FOXR1: variants seen among roughly 807,000 people sequenced by gnomAD.
FOXR1 encodes the protein forkhead box protein R1.
A neutral mutation model predicts 34.5 loss-of-function variants in FOXR1; 25 were observed. That is an observed-to-expected ratio of 0.72 (90% confidence interval 0.53 to 1.01). The LOEUF (loss-of-function observed/expected upper bound fraction) is 1.01. Among genes scored for constraint, FOXR1 ranks in the 50% least tolerant of loss-of-function variants. The pLI, the probability that FOXR1 is intolerant of heterozygous loss-of-function variation, is 0.00. For synonymous variants in FOXR1, 153 were observed against 141.6 expected (o/e 1.08, Z -0.57); for missense variants, 373 against 376.2 (o/e 0.99, Z 0.07).
chr11:118,979,574 C>A lies in FOXR1; in HGVS notation c.517C>A (p.Arg173=). 6.2e-7 allele frequency: 1 copy of A among 1,613,044 alleles called. No individual in the cohort carries two copies. Among genetic ancestry groups the A allele is most frequent in the Non-Finnish European group, 8.5e-7 (1 of 1,179,524 alleles). Residue 173 remains arginine, a synonymous_variant, in exon 4 of 6, where the codon CGG becomes AGG. Transcript: ENST00000317011. ...CAGCCAGGCGGGGAGGCTCTGGTCCCGGCCCCCTCTCAATTACTTCCACCT... is the reference window on the plus strand; with the variant it reads ...CAGCCAGGCGGGGAGGCTCTGGTCCAGGCCCCCTCTCAATTACTTCCACCT... The part of the protein sequence containing the change: ...ASSQAGRLWS[R]PPLNYFHLIA...
Position 118,980,632 on chromosome 11 carries a change from A to T in FOXR1, c.754A>T (p.Lys252Ter). Residue 252 changes from lysine to a stop codon, truncating the protein, a stop_gained, in exon 5 of 6, where the codon AAG becomes TAG. Coordinates refer to ENST00000317011, the MANE Select transcript of FOXR1 (RefSeq NM_181721.3). LOFTEE classifies it high-confidence loss of function. Reference protein sequence around the residue: ...ASTRPRSCLWKLTEEGHRRFA... With the variant: ...ASTRPRSCLW The stretch of plus-strand genomic sequence containing the variant: ...CACACGGCCTCGATCTTGCCTCTGG[A>T]AGTTGACCGAGGAGGGACACCGCCG... 1 of 1,614,192 alleles carries T rather than the reference A, an allele frequency of 6.2e-7. No homozygotes were observed. The highest frequency in any genetic ancestry group is 1.3e-5 in the African/African-American group (1 of 75,068).
At chr11:118,972,129 G>GCCCC (rs764442884) in intron 1 of FOXR1, 137 bp downstream of exon 1, 2 of 361,490 alleles carry the variant, frequency 5.5e-6, no homozygotes, top group African/African-American at 3.8e-5. Flanking sequence ...AGCGCCCCGC[G>GCCCC]CCCCCCCCCC....
rs972157610 is a variant in FOXR1 at position 118,981,210 on chromosome 11, G to A, written c.853G>A (p.Val285Met). 1.5e-5 allele frequency: 25 copies of A among 1,614,152 alleles called. No homozygotes were observed. Among genetic ancestry groups the A allele is most frequent in the East Asian group, 2.2e-5 (1 of 44,888 alleles). ...TGAACTCTCTCCTTTTCTTACAGATGTGATGCCCTTCCTCTTTGATCTTTA... is the reference window on the plus strand; with the variant it reads ...TGAACTCTCTCCTTTTCTTACAGATATGATGCCCTTCCTCTTTGATCTTTA... ...SIQQCMSQPDVMPFLFDL is the reference protein window; with the variant it reads ...SIQQCMSQPDMMPFLFDL The change falls in exon 6 of 6, where the codon GTG becomes ATG. Residue 285 changes from valine to methionine, a missense_variant and splice_region_variant. Coordinates refer to ENST00000317011, the MANE Select transcript of FOXR1 (RefSeq NM_181721.3).
rs1446206323 is a variant in FOXR1 at position 118,981,147 on chromosome 11, C to T, written c.851-61C>T. 29 of 1,549,950 alleles carry T rather than the reference C, an allele frequency of 1.9e-5. No homozygotes were observed. The East Asian group carries it at 5.8e-4, about 31-fold the overall frequency. ...AGATGACCTGCTATGAGAGAGCATC[C>T]CAGGCCTAGGAAACAGCAATTGTGA... On this transcript the variant is annotated intron_variant, in intron 5 of 5. Coordinates refer to ENST00000317011, the MANE Select transcript of FOXR1 (RefSeq NM_181721.3).
chr11:118,972,021 G>T (rs1187509646), intron 1 of FOXR1, 29 bp downstream of exon 1: 2 of 1,442,648 alleles, frequency 1.4e-6, no homozygotes, highest in Admixed American at 5.1e-5. Context: ...GAGGTGGGGG[G>T]CTGGGCGTGG....
At chr11:118,975,827 T>C (rs1202123063) in intron 1 of FOXR1, among the ~76,000 whole-genome samples, 1 of 152,190 alleles carries the variant, frequency 6.6e-6, no homozygotes, top group African/African-American at 2.4e-5. Context: ...CTATCACCTT[T>C]TCACTGTTTC....
Position 118,972,141 on chromosome 11 carries a change from C to CA in FOXR1, c.61+149_61+150insA, listed in dbSNP as rs1267704255. The CA allele has an allele frequency of 6.6e-5, 44 of 669,642 alleles. 1 individual carries two copies. Among genetic ancestry groups the CA allele is most frequent in the Non-Finnish European group, 1.0e-4 (43 of 421,976 alleles). 41.5% of individuals were successfully genotyped at this position (669,642 alleles called of 1,614,324 possible). On this transcript the variant is annotated intron_variant, in intron 1 of 5. Transcript: ENST00000317011. Reference sequence around the variant, plus strand: ...CCGAGCGCCCCGCGCCCCCCCCCCCCGACGGCTTAGCTCCGCCGCCCCCGC... The same window carrying CA: ...CCGAGCGCCCCGCGCCCCCCCCCCCCAGACGGCTTAGCTCCGCCGCCCCCGC...
rs779424372 is a variant in FOXR1 at position 118,972,004 on chromosome 11, G to C, written c.61+12G>C. 43 of 1,541,572 alleles carry C rather than the reference G, an allele frequency of 2.8e-5. No homozygotes were observed. Among genetic ancestry groups the C allele is most frequent in the Non-Finnish European group, 3.5e-5 (40 of 1,144,138 alleles). On this transcript the variant is annotated intron_variant, in intron 1 of 5. Coordinates refer to ENST00000317011, the MANE Select transcript of FOXR1 (RefSeq NM_181721.3). ...AGCGGAGCAGAAACGTGAGTAGCGG[G>C]TGGGGTGAGGTGGGGGGCTGGGCGT...
Position 118,971,769 on chromosome 11 carries a change from G to A in FOXR1, c.-163G>A. ...ACTCAATCCGAGCCGGCGCATTTGA[G>A]AAGGCGCCTGTGAGGGTCGCTCCTC... On this transcript the variant is annotated 5_prime_UTR_variant, in exon 1 of 6. Coordinates refer to ENST00000317011, the MANE Select transcript of FOXR1 (RefSeq NM_181721.3). 1.4e-6 allele frequency: 1 copy of A among 707,180 alleles called. No homozygotes were observed. The highest frequency in any genetic ancestry group is 2.5e-6 in the Non-Finnish European group (1 of 407,486). 43.8% of individuals were successfully genotyped at this position (707,180 alleles called of 1,614,324 possible).
At chr11:118,972,989 T>C (rs1941734859) in intron 1 of FOXR1, among the ~76,000 whole-genome samples, 2 of 152,190 alleles carry the variant, frequency 1.3e-5, no homozygotes, top group African/African-American at 4.8e-5. Context: ...TCTCCACTCA[T>C]TGTTTTTGAG....
Position 118,972,137 on chromosome 11 carries a change from C to G in FOXR1, c.61+145C>G, listed in dbSNP as rs1471542440. ...GGGGCCGAGCGCCCCGCGCCCCCCC[C>G]CCCCGACGGCTTAGCTCCGCCGCCC... On this transcript the variant is annotated intron_variant, in intron 1 of 5. Transcript: ENST00000317011. The G allele has an allele frequency of 3.2e-5, 17 of 533,222 alleles. 1 individual carries two copies. The East Asian group carries it at 4.2e-4, about 13-fold the overall frequency. 33.0% of individuals were successfully genotyped at this position (533,222 alleles called of 1,614,324 possible). A position where few individuals can be genotyped will look rare whatever the true frequency, so the allele number is the denominator to read the frequency against.
chr11:118,972,127 G>GCC (rs1941713808), intron 1 of FOXR1, 135 bp downstream of exon 1: 21 of 446,262 alleles, frequency 4.7e-5, no homozygotes, highest in South Asian at 1.4e-4. Context: ...CGAGCGCCCC[G>GCC]CGCCCCCCCC....
intron 1 of FOXR1, among the ~76,000 whole-genome samples, chr11:118,973,358 A>G (rs2134478930): frequency 1.3e-5 from 2 of 152,274 alleles, no homozygotes; most frequent in Non-Finnish European, 2.9e-5. Context: ...TGGGGAAAGA[A>G]CAGGAGAAGG....
Position 118,971,790 on chromosome 11 carries a change from T to C in FOXR1, c.-142T>C, listed in dbSNP as rs1010463152. 3 of 846,376 alleles carry C rather than the reference T, an allele frequency of 3.5e-6. No individual in the cohort carries two copies. In the African/African-American group the frequency reaches 5.0e-5, roughly 14 times the overall value. The allele number at this position is 846,376 out of a possible 1,614,324, so 52.4% of individuals were successfully genotyped here. A position where few individuals can be genotyped will look rare whatever the true frequency, so the allele number is the denominator to read the frequency against. On this transcript the variant is annotated 5_prime_UTR_variant, in exon 1 of 6. Coordinates refer to ENST00000317011, the MANE Select transcript of FOXR1 (RefSeq NM_181721.3). The stretch of plus-strand genomic sequence containing the variant: ...TTGAGAAGGCGCCTGTGAGGGTCGC[T>C]CCTCAGCCGCCGCGCTCCCACTCCG...
chr11:118,980,391 G>A, intron 4 of FOXR1, 99 bp from the exon 5 acceptor site: 1 of 1,361,662 alleles, frequency 7.3e-7, no homozygotes. Flanking sequence ...CCCCTGGAGA[G>A]AAGGGCTAAA....
At chr11:118,972,128 C>A in intron 1 of FOXR1, 136 bp downstream of exon 1, 1 of 450,118 alleles carries the variant, frequency 2.2e-6, no homozygotes, top group Non-Finnish European at 3.3e-6. Flanking sequence ...GAGCGCCCCG[C>A]GCCCCCCCCC....
chr11:118,979,279 C>T lies in FOXR1; in HGVS notation c.384+75C>T, dbSNP rs984885954. 1.9e-5 allele frequency: 29 copies of T among 1,497,434 alleles called. No individual in the cohort carries two copies. In the East Asian group the frequency reaches 6.7e-4, roughly 35 times the overall value. 92.8% of individuals were successfully genotyped at this position (1,497,434 alleles called of 1,614,324 possible). ...ATGGGGAAGAGCCATTACAGTTCTG[C>T]TCTCTTAGCCATAGCAAAAGGTGAA... On this transcript the variant is annotated intron_variant, in intron 3 of 5. Coordinates refer to ENST00000317011, the MANE Select transcript of FOXR1 (RefSeq NM_181721.3).
chr11:118,972,679 G>A (rs917344369), intron 1 of FOXR1, among the ~76,000 whole-genome samples: 8 of 151,582 alleles, frequency 5.3e-5, no homozygotes, highest in Non-Finnish European at 1.2e-4. Flanking sequence ...CTGGAGTGCA[G>A]TGGCGCGATC....
At chr11:118,978,197 G>A (rs563064520) in intron 1 of FOXR1, among the ~76,000 whole-genome samples, 6 of 150,372 alleles carry the variant, frequency 4.0e-5, no homozygotes, top group African/African-American at 4.9e-5. Context: ...CAGCCTGGGC[G>A]ACAGAGCGAG....
Sources: gnomAD v4.1 joint callset for allele counts (sites outside exome capture counted in the v4.1 genomes callset) on GRCh38, gnomAD v4.1.1 for gene constraint, MANE v1.5 for transcripts, NCBI Gene and HGNC (gene_info 2026-07-23, HGNC 2026-07-21) for gene names.